The following FSTL5 variants were observed in gnomAD, a reference collection of about 807,000 sequenced individuals.
The protein encoded by FSTL5 is follistatin like 5, also known as follistatin-related protein 5.
Under a neutral mutation model 89.1 loss-of-function variants are expected in FSTL5, and 62 were observed. The ratio of observed to expected loss-of-function variants is 0.70; its 90% confidence interval spans 0.57 to 0.86. The LOEUF (loss-of-function observed/expected upper bound fraction) is 0.86. Ranked by LOEUF, FSTL5 falls within the 40% of genes least tolerant of loss-of-function variation. FSTL5 has a pLI of 0.00. For missense variants in FSTL5, 1,057 were observed against 1,001.6 expected (o/e 1.06, Z -0.75); for synonymous variants, 383 against 346.2 (o/e 1.11, Z -1.18).
chr4:161,816,029 C>T (rs1051901084), intron 4 of FSTL5, among the ~76,000 whole-genome samples: 5 of 152,178 alleles, frequency 3.3e-5, no homozygotes, highest in Non-Finnish European at 7.4e-5. Flanking sequence ...CTACACAGAA[C>T]ATTAGAAAAT....
In FSTL5 at chr4:161,640,991, T is replaced by A. The variant is rs543152807; in HGVS notation, c.894+15337A>T. 2.9e-4 allele frequency among the ~76,000 whole-genome samples: 44 copies of A among 152,258 alleles called. No individual in the cohort carries two copies. In the South Asian group the frequency reaches 8.9e-3, roughly 31 times the overall value. On this transcript the variant is annotated intron_variant, in intron 7 of 15. Transcript: ENST00000306100. ...CAGGAACATTGAGGCCAGAAGGTGGTAAGCTAATATATTCAAAGTGCTAAA... is the reference window on the plus strand; with the variant it reads ...CAGGAACATTGAGGCCAGAAGGTGGAAAGCTAATATATTCAAAGTGCTAAA...
intron 3 of FSTL5, among the ~76,000 whole-genome samples, chr4:161,948,460 T>C (rs1734797008): frequency 6.7e-6 from 1 of 149,216 alleles, no homozygotes; most frequent in African/African-American, 2.5e-5. Context: ...GAATTCTACA[T>C]GAACGGAATT....
chr4:161,789,746 A>G (rs1579094447), intron 4 of FSTL5, among the ~76,000 whole-genome samples: 1 of 152,292 alleles, frequency 6.6e-6, no homozygotes, highest in Admixed American at 6.5e-5. Flanking sequence ...TCTTTTGTTT[A>G]AGAAAAGAAT....
At position 161,775,382 on chromosome 4, in the gene FSTL5, A is replaced by C. The variant is rs150590231; in HGVS notation, c.606+496T>G. 4.9e-3 allele frequency among the ~76,000 whole-genome samples: 742 copies of C among 152,244 alleles called. 5 individuals are homozygous for C. The highest frequency in any genetic ancestry group is 0.017 in the African/African-American group (708 of 41,568). On this transcript the variant is annotated intron_variant, in intron 5 of 15. Coordinates refer to ENST00000306100, the MANE Select transcript of FSTL5 (RefSeq NM_020116.5). ...TTTTATATTTCTACTACTAAAACAA[A>C]CTGAATATGCAGTAATTGGTCCTTA...
chr4:161,459,645 T>C (rs1267757009), intron 13 of FSTL5, among the ~76,000 whole-genome samples: 1 of 151,948 alleles, frequency 6.6e-6, no homozygotes, highest in Non-Finnish European at 1.5e-5. Flanking sequence ...CATTGTGAGG[T>C]GGGGAGAAGC....
chr4:161,460,058 T>C (rs1023834800), intron 13 of FSTL5, among the ~76,000 whole-genome samples: 27 of 151,894 alleles, frequency 1.8e-4, no homozygotes, highest in African/African-American at 6.3e-4. Flanking sequence ...CTATTCATAT[T>C]ACAAGCTAAC....
chr4:161,526,571 T>C (rs1731226992), intron 10 of FSTL5, among the ~76,000 whole-genome samples: 1 of 152,246 alleles, frequency 6.6e-6, no homozygotes, highest in Non-Finnish European at 1.5e-5. Flanking sequence ...AGGGTTTTTA[T>C]GGTTTTAGGT....
At chr4:161,849,562 T>G (rs116402444) in intron 4 of FSTL5, among the ~76,000 whole-genome samples, 103 of 144,600 alleles carry the variant, frequency 7.1e-4, no homozygotes, top group African/African-American at 2.2e-3. Flanking sequence ...CACACACACA[T>G]AGAATTCTCA....
At chr4:161,569,788 CACACACACACA>C (rs535234705) in intron 8 of FSTL5, among the ~76,000 whole-genome samples, 2 of 151,198 alleles carry the variant, frequency 1.3e-5, no homozygotes, top group Non-Finnish European at 3.0e-5. Flanking sequence ...CACACACACA[CACACACACACA>C]CCCCACATTG....
chr4:161,734,182 A>G (rs1461289597), intron 6 of FSTL5, among the ~76,000 whole-genome samples: 2 of 152,196 alleles, frequency 1.3e-5, no homozygotes, highest in Non-Finnish European at 2.9e-5. Flanking sequence ...GAGCACTTTC[A>G]TAAATGTTAA....
Position 161,415,547 on chromosome 4 carries a change from G to A in FSTL5, c.1842-29098C>T, listed in dbSNP as rs1300147956. ...TGGGATTTCAGGCGTGAGTCACCACGCTCGGCCGTCTCTTCACTTTTGAGC... is the reference window on the plus strand; with the variant it reads ...TGGGATTTCAGGCGTGAGTCACCACACTCGGCCGTCTCTTCACTTTTGAGC... On this transcript the variant is annotated intron_variant, in intron 15 of 15. Coordinates refer to ENST00000306100, the MANE Select transcript of FSTL5 (RefSeq NM_020116.5). 1.3e-5 allele frequency among the ~76,000 whole-genome samples: 2 copies of A among 151,886 alleles called. 1 individual carries two copies. The highest frequency in any genetic ancestry group is 4.2e-4 in the South Asian group (2 of 4,818).
chr4:161,720,648 T>C (rs186721225), intron 6 of FSTL5, among the ~76,000 whole-genome samples: 5 of 152,144 alleles, frequency 3.3e-5, no homozygotes, highest in Admixed American at 3.3e-4. Flanking sequence ...ATAACGAAAA[T>C]AGTGTATATT....
intron 6 of FSTL5, among the ~76,000 whole-genome samples, chr4:161,696,004 T>C (rs1738150813): frequency 6.6e-6 from 1 of 152,226 alleles, no homozygotes; most frequent in African/African-American, 2.4e-5. Flanking sequence ...TGCATTTGCT[T>C]TTGGGTTCTT....
rs1407187105 is a variant in FSTL5 at position 161,615,141 on chromosome 4, A to T, written c.895-27566T>A. 4.6e-5 allele frequency among the ~76,000 whole-genome samples: 7 copies of T among 151,818 alleles called. No individual in the cohort carries two copies. In the South Asian group the frequency reaches 1.3e-3, roughly 27 times the overall value. ...AACCCCGTCTCTACTAAAAATACAA[A>T]AAATTAGCCGGGTGTGGAAGCGGGC... is the stretch of plus-strand genomic sequence containing the variant. On this transcript the variant is annotated intron_variant, in intron 7 of 15. Transcript: ENST00000306100.
At chr4:162,100,847 A>G (rs1579027815) in intron 2 of FSTL5, among the ~76,000 whole-genome samples, 1 of 152,152 alleles carries the variant, frequency 6.6e-6, no homozygotes, top group East Asian at 1.9e-4. Context: ...GTTTTAGAAA[A>G]AAGCAGTGAG....
chr4:162,078,119 A>T (rs1268374104), intron 2 of FSTL5, among the ~76,000 whole-genome samples: 1 of 151,878 alleles, frequency 6.6e-6, no homozygotes, highest in African/African-American at 2.4e-5. Context: ...TACATGGGTC[A>T]CATTCCATTA....
At chr4:161,824,561 T>C (rs1730607352) in intron 4 of FSTL5, among the ~76,000 whole-genome samples, 1 of 152,166 alleles carries the variant, frequency 6.6e-6, no homozygotes, top group Non-Finnish European at 1.5e-5. Flanking sequence ...ATTCTAGCCA[T>C]ACATGAGCAT....
At chr4:161,923,879 G>C (rs917905785) in intron 3 of FSTL5, among the ~76,000 whole-genome samples, 1 of 151,822 alleles carries the variant, frequency 6.6e-6, no homozygotes, top group Non-Finnish European at 1.5e-5. Context: ...GCTAGAAGCT[G>C]TGTGTTGCAT....
intron 6 of FSTL5, among the ~76,000 whole-genome samples, chr4:161,731,979 ACTTTCATTTTTCATCTTCATTCTT>A (rs1042956396): frequency 3.3e-5 from 5 of 151,928 alleles, no homozygotes; most frequent in Non-Finnish European, 5.9e-5. Context: ...TGTGACATTG[ACTTTCATTTTTCATCTTCATTCTT>A]CTTTCATTTT....
Sources: gnomAD v4.1 joint callset for allele counts (sites outside exome capture counted in the v4.1 genomes callset) on GRCh38, gnomAD v4.1.1 for gene constraint, MANE v1.5 for transcripts, NCBI Gene and HGNC (gene_info 2026-07-23, HGNC 2026-07-21) for gene names.